PDE11A: variants seen among roughly 807,000 people sequenced by gnomAD.
PDE11A encodes the protein dual 3',5'-cyclic-AMP and -GMP phosphodiesterase 11A.
PDE11A carries 100 observed loss-of-function variants against 100.5 expected under a neutral mutation model. The observed-to-expected ratio is 1.00, with a 90% CI of 0.85 to 1.18. The LOEUF (loss-of-function observed/expected upper bound fraction) is 1.18. Among genes scored for constraint, PDE11A ranks in the 50% most tolerant of loss-of-function variants. The pLI, the probability that PDE11A is intolerant of heterozygous loss-of-function variation, is 0.00. For synonymous variants in PDE11A, 381 were observed against 420.8 expected, an observed-to-expected ratio of 0.91 and a Z score of 1.16; for missense variants, 1,141 against 1,152.6, an observed-to-expected ratio of 0.99 and a Z score of 0.15.
rs566635421 is a variant in PDE11A, at chr2:177,939,169, G to A, written c.1072-33982C>T. On this transcript the variant is annotated intron_variant, in intron 2 of 19. Transcript: ENST00000286063. ...ATTGAAGAAATCGGAGCTGGGAAAG[G>A]ATTTTTAAGATGTTTTGCTAGGCTA... Among the ~76,000 whole-genome samples the A allele has an allele frequency of 4.6e-5, 7 of 152,244 alleles. 1 individual carries two copies. In the South Asian group the frequency reaches 1.5e-3, roughly 32 times the overall value.
intron 2 of PDE11A, among the ~76,000 whole-genome samples, chr2:178,103,272 G>C (rs560703179): frequency 1.1e-4 from 16 of 152,042 alleles, no homozygotes; most frequent in Non-Finnish European, 2.4e-4. Context: ...CAGACACAAA[G>C]GGTCACATAT....
intron 5 of PDE11A, among the ~76,000 whole-genome samples, chr2:177,875,485 C>T (rs2105694865): frequency 6.6e-6 from 1 of 152,010 alleles, no homozygotes; most frequent in Non-Finnish European, 1.5e-5. Context: ...TCACTCCATT[C>T]TCCTGCCTCA....
chr2:177,762,045 A>G (rs1208782779), intron 10 of PDE11A, among the ~76,000 whole-genome samples: 1 of 152,144 alleles, frequency 6.6e-6, no homozygotes, highest in Non-Finnish European at 1.5e-5. Flanking sequence ...AGCAGTGTAC[A>G]ATAATGGCCT....
At chr2:177,996,423 A>G (rs558926631) in intron 2 of PDE11A, among the ~76,000 whole-genome samples, 167 of 151,314 alleles carry the variant, frequency 1.1e-3, no homozygotes, top group African/African-American at 4.0e-3. Context: ...GAATTTAAAA[A>G]AGTGATTTAT....
chr2:178,028,036 A>C (rs1195781551), intron 1 of PDE11A, among the ~76,000 whole-genome samples: 1 of 152,178 alleles, frequency 6.6e-6, no homozygotes, highest in Admixed American at 6.5e-5. Context: ...GGTTAGAAAA[A>C]ATCAGGCATC....
chr2:177,921,830 A>G (rs570775832), intron 2 of PDE11A: 7 of 152,340 alleles, frequency 4.6e-5, no homozygotes, highest in African/African-American at 1.4e-4. Flanking sequence ...ACAACTTTCC[A>G]CAAAAGGGAT....
At chr2:177,650,861 T>C (rs1318904818) in intron 19 of PDE11A, among the ~76,000 whole-genome samples, 1 of 152,152 alleles carries the variant, frequency 6.6e-6, no homozygotes, top group Non-Finnish European at 1.5e-5. Context: ...ATTATTCTAG[T>C]ATAAAAATAG....
intron 3 of PDE11A, among the ~76,000 whole-genome samples, chr2:177,901,154 C>T (rs2084689335): frequency 6.6e-6 from 1 of 152,154 alleles, no homozygotes; most frequent in Non-Finnish European, 1.5e-5. Flanking sequence ...TAAACTGCTT[C>T]TCAGATCAGT....
At chr2:177,984,373 TA>T (rs767787069) in intron 2 of PDE11A, among the ~76,000 whole-genome samples, 3 of 152,194 alleles carry the variant, frequency 2.0e-5, no homozygotes, top group Non-Finnish European at 2.9e-5. Context: ...TTGCTGAAGA[TA>T]GGGGTGAATG....
intron 9 of PDE11A, among the ~76,000 whole-genome samples, chr2:177,811,718 T>C (rs1191973295): frequency 6.6e-6 from 1 of 152,042 alleles, no homozygotes; most frequent in Admixed American, 6.5e-5. Context: ...CCTGTTCTGT[T>C]TCTGACATGG....
At chr2:177,819,245 A>T (rs2083095354) in intron 7 of PDE11A, among the ~76,000 whole-genome samples, 1 of 152,074 alleles carries the variant, frequency 6.6e-6, no homozygotes. Flanking sequence ...TCTTATGCAG[A>T]CTAAGCTGAT....
At chr2:177,781,219 G>A (rs1241453180) in intron 9 of PDE11A, among the ~76,000 whole-genome samples, 1 of 152,190 alleles carries the variant, frequency 6.6e-6, no homozygotes, top group East Asian at 1.9e-4. Flanking sequence ...GGAAGAGCTG[G>A]TCAGCAGAGC....
rs572256340 is a variant in PDE11A, at chr2:177,727,759, A to T, written c.1942T>A (p.Cys648Ser). 1.0e-5 allele frequency: 16 copies of T among 1,590,544 alleles called. No homozygotes were observed. In the South Asian group the frequency reaches 1.8e-4, roughly 18 times the overall value. The change falls in exon 12 of 20, where the codon TGT becomes AGT. Residue 648 changes from cysteine to serine, a missense_variant. Coordinates refer to ENST00000286063, the MANE Select transcript of PDE11A (RefSeq NM_016953.4). ...QKFKIDYETL[C>S]RWLLTVRKNY... ...TTCCTCACTGTCAAAAGCCACCTAC[A>T]CAGTGTCTGAAATGGGAGGGAGAGG...
At chr2:177,731,966 G>T (rs899891303) in intron 10 of PDE11A, among the ~76,000 whole-genome samples, 13 of 152,118 alleles carry the variant, frequency 8.5e-5, no homozygotes, top group Admixed American at 2.6e-4. Context: ...TTTTAATAGG[G>T]CATGGGGAGA....
chr2:177,897,460 T>C (rs77231394), intron 4 of PDE11A, among the ~76,000 whole-genome samples: 3,430 of 152,238 alleles, frequency 0.023, 62 homozygotes, highest in East Asian at 0.074. Context: ...TAAGGCTACT[T>C]TGTGCCAGAA....
intron 1 of PDE11A, among the ~76,000 whole-genome samples, chr2:178,038,021 T>C (rs1031407053): frequency 1.7e-4 from 25 of 148,204 alleles, no homozygotes; most frequent in Admixed American, 1.6e-3. Context: ...ACATGTATCC[T>C]AGAACTTAAA....
chr2:177,946,678 G>A (rs1485549671), intron 2 of PDE11A, among the ~76,000 whole-genome samples: 7 of 112,038 alleles, frequency 6.2e-5, no homozygotes, highest in South Asian at 3.4e-4. Flanking sequence ...CCGTCCGGGA[G>A]GGAGGTGGGG....
chr2:177,699,274 G>A (rs187581888), intron 14 of PDE11A, among the ~76,000 whole-genome samples: 8 of 152,200 alleles, frequency 5.3e-5, no homozygotes, highest in Non-Finnish European at 1.2e-4. Flanking sequence ...CAACTGTAAC[G>A]CAATGGTTGG....
At chr2:177,852,845 A>G (rs1046190304) in intron 5 of PDE11A, among the ~76,000 whole-genome samples, 1 of 152,162 alleles carries the variant, frequency 6.6e-6, no homozygotes, top group Non-Finnish European at 1.5e-5. Context: ...CTGTTAGTGG[A>G]GTCGCCTTTA....
Sources: gnomAD v4.1 joint callset for allele counts (sites outside exome capture counted in the v4.1 genomes callset) on GRCh38, gnomAD v4.1.1 for gene constraint, MANE v1.5 for transcripts, NCBI Gene and HGNC (gene_info 2026-07-23, HGNC 2026-07-21) for gene names.